Variants in TPO observed in about 807,000 individuals in gnomAD.
TPO encodes thyroid peroxidase.
A neutral mutation model predicts 96.9 loss-of-function variants in TPO; 78 were observed. The ratio of observed to expected loss-of-function variants is 0.81; its 90% CI spans 0.67 to 0.97. The LOEUF is 0.97. Among genes scored for constraint, TPO ranks in the 50% least tolerant of loss-of-function variants. TPO has a pLI of 0.00. For missense variants in TPO, 1,252 were observed against 1,274.8 expected (o/e 0.98, Z 0.27); for synonymous variants, 547 against 538.0 (o/e 1.02, Z -0.23).
At chr2:1,432,017 C>A (rs955005656) in intron 3 of TPO, among the ~76,000 whole-genome samples, 1 of 152,258 alleles carries the variant, frequency 6.6e-6, no homozygotes, top group African/African-American at 2.4e-5. Context: ...CCTGTCCACT[C>A]ACACACCTGC....
At chr2:1,392,472 T>C (rs1006060511) in intron 1 of TPO, among the ~76,000 whole-genome samples, 1 of 152,308 alleles carries the variant, frequency 6.6e-6, no homozygotes, top group Middle Eastern at 3.4e-3. Flanking sequence ...TCACTTTTTT[T>C]GTTGTGTCTC....
intron 7 of TPO, among the ~76,000 whole-genome samples, chr2:1,468,806 A>G (rs1573314790): frequency 1.3e-5 from 2 of 152,200 alleles, no homozygotes; most frequent in Admixed American, 6.5e-5. Context: ...AAACTTTCCA[A>G]ACTTTTAGAT....
intron 15 of TPO, among the ~76,000 whole-genome samples, chr2:1,530,968 C>A (rs1235604967): frequency 1.4e-4 from 12 of 83,698 alleles, no homozygotes; most frequent in African/African-American, 5.7e-4. Context: ...TCCTCAAATC[C>A]CCCCAGTATG....
chr2:1,384,871 T>A (rs185774316), intron 1 of TPO, among the ~76,000 whole-genome samples: 27 of 152,316 alleles, frequency 1.8e-4, no homozygotes, highest in Admixed American at 5.9e-4. Flanking sequence ...CTGTTATTAT[T>A]TTTAGATACA....
rs751431444 is a variant in TPO at position 1,436,316 on chromosome 2, G to GC, written c.419dup (p.Cys142MetfsTer41). On this transcript the variant is annotated frameshift_variant, in exon 5 of 17. Transcript: ENST00000329066. LOFTEE classifies it high-confidence loss of function. ...TGTCTGGATGTCTCCCTTACATGCTGCCCCCAAAATGCCCAAACACTTGCC... is the reference window on the plus strand; with the variant it reads ...TGTCTGGATGTCTCCCTTACATGCTGCCCCCCAAAATGCCCAAACACTTGCC... The GC allele has an allele frequency of 6.2e-7, 1 of 1,614,152 alleles. No homozygotes were observed. The highest frequency in any genetic ancestry group is 1.7e-5 in the Admixed American group (1 of 60,030).
intron 14 of TPO, among the ~76,000 whole-genome samples, chr2:1,510,171 A>T (rs1046159287): frequency 6.6e-5 from 10 of 151,770 alleles, no homozygotes; most frequent in African/African-American, 2.4e-4. Context: ...TCAGATTTTT[A>T]AATAAAATGT....
At chr2:1,459,824 G>A (rs990175206) in intron 7 of TPO, among the ~76,000 whole-genome samples, 3 of 152,194 alleles carry the variant, frequency 2.0e-5, no homozygotes, top group South Asian at 2.1e-4. Flanking sequence ...TCTCTCACAC[G>A]CTGGGGCTCA....
intron 5 of TPO, among the ~76,000 whole-genome samples, chr2:1,437,993 C>CG (rs1341090993): frequency 6.6e-6 from 1 of 151,886 alleles, no homozygotes; most frequent in Non-Finnish European, 1.5e-5. Context: ...GTGGGATGCA[C>CG]GGCTGGAGGG....
At chr2:1,518,027 C>T (rs1674886950) in intron 15 of TPO, among the ~76,000 whole-genome samples, 1 of 152,122 alleles carries the variant, frequency 6.6e-6, no homozygotes, top group Admixed American at 6.5e-5. Context: ...CTTCGCCCTC[C>T]ACCCCGGCCT....
chr2:1,469,530 T>G (rs903945648), intron 7 of TPO, among the ~76,000 whole-genome samples: 1 of 152,160 alleles, frequency 6.6e-6, no homozygotes, highest in African/African-American at 2.4e-5. Flanking sequence ...AGCTGGCAGT[T>G]TCCTTCTCCC....
At position 1,443,630 on chromosome 2, in the gene TPO, C is replaced by T. The variant is rs1355807776; in HGVS notation, c.482+7246C>T. On this transcript the variant is annotated intron_variant, in intron 5 of 16. Coordinates refer to ENST00000329066, the MANE Select transcript of TPO (RefSeq NM_001206744.2). The stretch of plus-strand genomic sequence containing the variant: ...CAGGAGGTACCATGTTGGAAGGGAA[C>T]GGGGCAGGCTCGTTCTTGTTTGTAT... Among the ~76,000 whole-genome samples, 513 of 94,528 alleles carry T rather than the reference C, an allele frequency of 5.4e-3. 13 individuals are homozygous for T. Among genetic ancestry groups the T allele is most frequent in the African/African-American group, 0.016 (351 of 22,186 alleles). The allele number at this position is 94,528 out of a possible 152,430, so 62.0% of individuals were successfully genotyped here.
chr2:1,514,243 T>G (rs1046569329), intron 14 of TPO, among the ~76,000 whole-genome samples: 1 of 152,152 alleles, frequency 6.6e-6, no homozygotes, highest in Non-Finnish European at 1.5e-5. Context: ...CCTGGAAGGA[T>G]GGGACAGGGC....
chr2:1,384,535 T>G (rs1661857807), intron 1 of TPO, among the ~76,000 whole-genome samples: 1 of 152,232 alleles, frequency 6.6e-6, no homozygotes, highest in African/African-American at 2.4e-5. Context: ...TGTATAAGAA[T>G]GCTTGTGATT....
intron 4 of TPO, among the ~76,000 whole-genome samples, chr2:1,435,015 G>T (rs1265814944): frequency 6.6e-6 from 1 of 152,026 alleles, no homozygotes; most frequent in African/African-American, 2.4e-5. Flanking sequence ...CTCACTGCAA[G>T]CTCCGCCTCC....
At position 1,433,550 on chromosome 2, in the gene TPO, A is replaced by G. The variant is rs1297111434; in HGVS notation, c.292A>G (p.Ile98Val). ...ARAAEIMETS[I>V]QAMKRKVNLK... is the part of the protein sequence containing the mutation. ...AGCAGCAGAGATAATGGAAACATCA[A>G]TACAAGCGATGAAAAGAAAAGTCAA... is the stretch of plus-strand genomic sequence containing the variant. Residue 98 changes from isoleucine (I) to valine (V), a missense_variant, in exon 4 of 17, where the codon ATA becomes GTA. Coordinates refer to ENST00000329066, the MANE Select transcript of TPO (RefSeq NM_001206744.2). 1 of 1,614,110 alleles carries G rather than the reference A, an allele frequency of 6.2e-7. No homozygotes were observed. The highest frequency in any genetic ancestry group is 8.5e-7 in the Non-Finnish European group (1 of 1,180,052).
At chr2:1,537,530 TATCCCCCCCAGTGTGCAACCTCCTGAA>T (rs1680078841) in intron 15 of TPO, among the ~76,000 whole-genome samples, 1 of 15,118 alleles carries the variant, frequency 6.6e-5, no homozygotes, top group Admixed American at 9.8e-4. Context: ...AACCTCCGCC[TATCCCCCCCAGTGTGCAACCTCCTGAA>T]ATCCCCCAAC....
At position 1,487,937 on chromosome 2, in the gene TPO, A is replaced by G. The variant is rs775033852; in HGVS notation, c.1714A>G (p.Thr572Ala). 5.0e-6 allele frequency: 8 copies of G among 1,614,112 alleles called. No homozygotes were observed. In the East Asian group the frequency reaches 1.6e-4, roughly 31 times the overall value. ...ERLFVLSNSSTLDLASINLQR... is the reference protein window; with the variant it reads ...ERLFVLSNSSALDLASINLQR... ...GCTCTTTGTGCTGTCCAATTCCAGC[A>G]CCTTGGATCTGGCGTCCATCAACCT... Residue 572 changes from threonine (T) to alanine (A), a missense_variant, in exon 10 of 17, where the codon ACC becomes GCC. Thr to Ala is a moderately conservative substitution (Grantham distance 58, BLOSUM62 0). Transcript: ENST00000329066.
chr2:1,542,782 C>T lies in TPO; in HGVS notation c.*308C>T. On this transcript the variant is annotated 3_prime_UTR_variant, in exon 17 of 17. Coordinates refer to ENST00000329066, the MANE Select transcript of TPO (RefSeq NM_001206744.2). ...ACCACTCTTGCAATCCTCCTGTCTC[C>T]ACCTTCTGGCATCTCTGATGCCGTG... The T allele has an allele frequency of 6.2e-6, 4 of 647,678 alleles. No homozygotes were observed. Among genetic ancestry groups the T allele is most frequent in the South Asian group, 5.7e-5 (3 of 52,430 alleles). 40.1% of individuals were successfully genotyped at this position (647,678 alleles called of 1,614,324 possible). A position where few individuals can be genotyped will look rare whatever the true frequency, so the allele number is the denominator to read the frequency against.
At chr2:1,443,292 G>A (rs1336203584) in intron 5 of TPO, among the ~76,000 whole-genome samples, 2 of 152,110 alleles carry the variant, frequency 1.3e-5, no homozygotes, top group Admixed American at 6.5e-5. Context: ...CGTGTTGGAA[G>A]GGAGTGGGGC....
Sources: gnomAD v4.1 joint callset for allele counts (sites outside exome capture counted in the v4.1 genomes callset) on GRCh38, gnomAD v4.1.1 for gene constraint, MANE v1.5 for transcripts, NCBI Gene and HGNC (gene_info 2026-07-23, HGNC 2026-07-21) for gene names.